The following CCT8 variants were observed in gnomAD, a reference collection of about 807,000 sequenced individuals.
CCT8 encodes the protein T-complex protein 1 subunit theta.
Under a neutral mutation model 65.7 loss-of-function variants are expected in CCT8, and 10 were observed. The ratio of observed to expected loss-of-function variants is 0.15; its 90% CI spans 0.09 to 0.26. The LOEUF (loss-of-function observed/expected upper bound fraction) is 0.26, where lower values mean the gene tolerates loss of function less well. CCT8 is among the 10% of genes least tolerant of loss of function. The pLI is 1.00. For missense variants in CCT8, 568 were observed against 669.1 expected, an observed-to-expected ratio of 0.85 and a Z score of 1.67; for synonymous variants, 199 against 221.8, an observed-to-expected ratio of 0.90 and a Z score of 0.92.
Position 29,062,160 on chromosome 21 carries a change from C to T in CCT8, c.1180G>A (p.Asp394Asn), listed in dbSNP as rs202072970. The change falls in exon 11 of 15, where the codon GAT (aspartate) becomes AAT (asparagine). Residue 394 changes from aspartate (D) to asparagine (N), a missense_variant. By Grantham distance (23) the Asp-to-Asn change is conservative. Transcript: ENST00000286788. ...AGAACTTTGAAAGTATTAACACCAT[C>T]GTCTACTGCCCTTTCTATGTCATCC... ...LMDDIERAVD[D>N]GVNTFKVLTR... 101 of 1,612,408 alleles carry T rather than the reference C, an allele frequency of 6.3e-5. 2 individuals carry two copies. Among genetic ancestry groups the T allele is most frequent in the Non-Finnish European group, 3.8e-5 (45 of 1,179,266 alleles).
intron 14 of CCT8, among the ~76,000 whole-genome samples, chr21:29,057,830 G>A (rs1293036908): frequency 6.7e-6 from 1 of 150,040 alleles, no homozygotes; most frequent in South Asian, 2.1e-4. Context: ...TATGATATGT[G>A]TGATATATAC....
At chr21:29,069,397 C>A (rs1248894116) in intron 3 of CCT8, 26 bp downstream of exon 3, 2 of 1,394,230 alleles carry the variant, frequency 1.4e-6, no homozygotes, top group African/African-American at 1.5e-5. Flanking sequence ...CAAAATATTT[C>A]TTGACTTTTT....
intron 4 of CCT8, 22 bp downstream of exon 4, chr21:29,067,534 T>C: frequency 7.0e-7 from 1 of 1,432,082 alleles, no homozygotes; most frequent in Non-Finnish European, 9.1e-7. Flanking sequence ...TTAGTAGGAG[T>C]AAATTATAAA....
In CCT8 at chr21:29,067,546, GA is replaced by G; in HGVS notation, c.381+9del. ...AATTTAGTAGGAGTAAATTATAAATGAACACTTGCCTCTGAAACTGACAGGC... is the reference window on the plus strand; with the variant it reads ...AATTTAGTAGGAGTAAATTATAAATGACACTTGCCTCTGAAACTGACAGGC... On this transcript the variant is annotated intron_variant, in intron 4 of 14. Coordinates refer to ENST00000286788, the MANE Select transcript of CCT8 (RefSeq NM_006585.4). The G allele has an allele frequency of 6.9e-7, 1 of 1,439,160 alleles. No homozygotes were observed. The allele number at this position is 1,439,160 out of a possible 1,614,324, so 89.1% of individuals were successfully genotyped here.
At chr21:29,060,503 A>G in intron 14 of CCT8, 38 bp downstream of exon 14, 1 of 1,602,384 alleles carries the variant, frequency 6.2e-7, no homozygotes, top group Non-Finnish European at 8.5e-7. Context: ...CAGTATGCAA[A>G]TGAGTATTTT....
rs781662485 is a variant in CCT8 at position 29,062,433 on chromosome 21, T to C, written c.1009-18A>G. 1 of 1,612,018 alleles carries C rather than the reference T, an allele frequency of 6.2e-7. No homozygotes were observed. The highest frequency in any genetic ancestry group is 1.7e-4 in the Middle Eastern group (1 of 6,052). The stretch of plus-strand genomic sequence containing the variant: ...GGAGGTGTCTGTAAGAAAGTGACTG[T>C]TGTAATAAAAATTCCATCTTGTTCA... On this transcript the variant is annotated intron_variant, in intron 9 of 14. Coordinates refer to ENST00000286788, the MANE Select transcript of CCT8 (RefSeq NM_006585.4).
chr21:29,065,571 C>A (rs1210299585), intron 6 of CCT8, among the ~76,000 whole-genome samples: 1 of 152,204 alleles, frequency 6.6e-6, no homozygotes, highest in African/African-American at 2.4e-5. Context: ...ATGCTAAATT[C>A]ACATTAACAA....
chr21:29,061,671 C>T (rs1305860011), intron 11 of CCT8, 104 bp from the exon 12 acceptor site: 27 of 1,138,238 alleles, frequency 2.4e-5, no homozygotes, highest in Non-Finnish European at 3.3e-5. Context: ...CCCCACCAAA[C>T]AGGAGTTTTT....
At chr21:29,065,322 G>A (rs895263648) in intron 6 of CCT8, among the ~76,000 whole-genome samples, 5 of 152,326 alleles carry the variant, frequency 3.3e-5, no homozygotes, top group Non-Finnish European at 5.9e-5. Context: ...AGGGAGGGGA[G>A]GTCCTTCCAT....
chr21:29,064,945 T>G, intron 7 of CCT8, 23 bp downstream of exon 7: 1 of 1,608,742 alleles, frequency 6.2e-7, no homozygotes, highest in Non-Finnish European at 8.5e-7. Context: ...AATTATTACT[T>G]TTAAGGTTTG....
chr21:29,066,063 C>CA (rs1207325984), intron 6 of CCT8, among the ~76,000 whole-genome samples: 6 of 118,452 alleles, frequency 5.1e-5, no homozygotes, highest in East Asian at 2.4e-4. Context: ...ACCTGGGCAA[C>CA]AGAGCCAGAC....
intron 1 of CCT8, among the ~76,000 whole-genome samples, chr21:29,073,012 C>G (rs1346442747): frequency 2.0e-5 from 3 of 152,232 alleles, no homozygotes; most frequent in African/African-American, 7.2e-5. Flanking sequence ...CGCATGGCTT[C>G]TGTCAACTAA....
rs58699995 is a variant in CCT8, at chr21:29,072,010, T to TAA, written c.60+1519_60+1520dup. ...CAACCTGTTGTTGTTGTTGTTGTTT[T>TAA]AAAAAAAAAACAGGTCAAAATCATT... On this transcript the variant is annotated intron_variant, in intron 1 of 14. Transcript: ENST00000286788. 5,840 of 619,496 alleles carry TAA rather than the reference T, an allele frequency of 9.4e-3. 16 individuals are homozygous for TAA. Among genetic ancestry groups the TAA allele is most frequent in the Middle Eastern group, 0.029 (115 of 3,974 alleles). 38.4% of individuals were successfully genotyped at this position (619,496 alleles called of 1,614,324 possible).
intron 1 of CCT8, among the ~76,000 whole-genome samples, chr21:29,072,497 T>C (rs60146026): frequency 0.021 from 3,181 of 152,320 alleles, 115 homozygotes; most frequent in African/African-American, 0.072. Context: ...CTCAGCCTGA[T>C]TTTTTCAAGG....
intron 1 of CCT8, among the ~76,000 whole-genome samples, chr21:29,072,706 T>C (rs2085695530): frequency 6.6e-6 from 1 of 152,200 alleles, no homozygotes; most frequent in Admixed American, 6.5e-5. Flanking sequence ...ATTAACAAAA[T>C]CTGGAGGACA....
intron 1 of CCT8, 88 bp downstream of exon 1, chr21:29,073,443 C>A: frequency 6.2e-7 from 1 of 1,602,304 alleles, no homozygotes; most frequent in Admixed American, 1.7e-5. Flanking sequence ...GCAGCACGCT[C>A]AGCCCGTTAG....
In CCT8 at chr21:29,061,352, G is replaced by A. The variant is rs755201017; in HGVS notation, c.1350C>T (p.Arg450=). ...KFAEAFEAIP[R]ALAENSGVKA... ...TAACTCCAGAGTTTTCTGCCAGTGCGCGGGGAATAGCTTCAAATGCCTCAG... is the reference window on the plus strand; with the variant it reads ...TAACTCCAGAGTTTTCTGCCAGTGCACGGGGAATAGCTTCAAATGCCTCAG... The change falls in exon 13 of 15, where the codon CGC becomes CGT. Residue 450 remains arginine (R), a synonymous_variant. Transcript: ENST00000286788. 4.3e-5 allele frequency: 70 copies of A among 1,613,810 alleles called. No individual in the cohort carries two copies. Among genetic ancestry groups the A allele is most frequent in the African/African-American group, 3.7e-4 (28 of 74,900 alleles).
At chr21:29,063,313 TTA>T in intron 8 of CCT8, 37 bp downstream of exon 8, 1 of 1,546,330 alleles carries the variant, frequency 6.5e-7, no homozygotes, top group Non-Finnish European at 8.9e-7. Flanking sequence ...AAAAAACCAT[TTA>T]TGATATAGGT....
chr21:29,067,647 A>G lies in CCT8; in HGVS notation c.290T>C (p.Val97Ala), dbSNP rs772080244. The G allele has an allele frequency of 4.3e-6, 6 of 1,389,168 alleles. No individual in the cohort carries two copies. Among genetic ancestry groups the G allele is most frequent in the Non-Finnish European group, 4.7e-6 (5 of 1,068,118 alleles). 86.1% of individuals were successfully genotyped at this position (1,389,168 alleles called of 1,614,324 possible). A position where few individuals can be genotyped will look rare whatever the true frequency, so the allele number is the denominator to read the frequency against. The change falls in exon 4 of 15, where the codon GTT becomes GCT. Residue 97 changes from valine (V) to alanine (A), a missense_variant. Coordinates refer to ENST00000286788, the MANE Select transcript of CCT8 (RefSeq NM_006585.4). ...CAGAACAAAGTTTGTGCCATCTCCA[A>G]CTTCTTGCTCTTGCATATGAGAAGC... ...VMASHMQEQE[V>A]GDGTNFVLVF...
Sources: allele counts gnomAD v4.1 joint callset (sites outside exome capture counted in the v4.1 genomes callset), GRCh38; gene constraint gnomAD v4.1.1; transcripts MANE v1.5; gene names NCBI Gene and HGNC (gene_info 2026-07-23, HGNC 2026-07-21).